The following PTPRD variants were observed in gnomAD, a reference collection of about 807,000 sequenced individuals.
PTPRD encodes the protein protein tyrosine phosphatase receptor type D.
Under a neutral mutation model 214.5 loss-of-function variants are expected in PTPRD, and 34 were observed. The ratio of observed to expected loss-of-function variants is 0.16; its 90% CI spans 0.12 to 0.21. PTPRD has a LOEUF of 0.21. Among genes scored for constraint, PTPRD ranks in the 10% least tolerant of loss-of-function variants. The probability of loss-of-function intolerance (pLI) is 1.00; values close to 1 mark genes in which losing one functional copy is unlikely to be tolerated. For synonymous variants in PTPRD, 1,128 were observed against 845.7 expected, an observed-to-expected ratio of 1.33 and a Z score of -5.79; for missense variants, 2,545 against 2,398.7, an observed-to-expected ratio of 1.06 and a Z score of -1.27.
chr9:9,152,527 A>G (rs542018960), intron 10 of PTPRD, among the ~76,000 whole-genome samples: 1 of 152,150 alleles, frequency 6.6e-6, no homozygotes, highest in East Asian at 1.9e-4. Flanking sequence ...AATGGTAAAG[A>G]CAAATATGTA....
chr9:8,387,460 G>A (rs988153312), intron 37 of PTPRD, among the ~76,000 whole-genome samples: 4 of 152,214 alleles, frequency 2.6e-5, no homozygotes, highest in African/African-American at 9.6e-5. Flanking sequence ...AAGGCCTGCA[G>A]TGTCAAGATA....
At chr9:10,271,835 A>C (rs921087221) in intron 3 of PTPRD, among the ~76,000 whole-genome samples, 1 of 151,712 alleles carries the variant, frequency 6.6e-6, no homozygotes, top group Non-Finnish European at 1.5e-5. Flanking sequence ...GAGACACTGC[A>C]CCTGGCCCTC....
intron 4 of PTPRD, among the ~76,000 whole-genome samples, chr9:9,980,618 C>CAAAAAAAAAAA (rs1202080056): frequency 1.7e-4 from 4 of 23,256 alleles, no homozygotes; most frequent in East Asian, 5.5e-4. Flanking sequence ...CAAAAAAAAA[C>CAAAAAAAAAAA]AAAAAAAAAA....
At chr9:8,981,605 C>T (rs1040662002) in intron 11 of PTPRD, among the ~76,000 whole-genome samples, 1 of 151,678 alleles carries the variant, frequency 6.6e-6, no homozygotes, top group African/African-American at 2.4e-5. Context: ...TCTGTTAATA[C>T]AATAAATAAT....
At chr9:9,576,215 C>G (rs864352) in intron 7 of PTPRD, among the ~76,000 whole-genome samples, 75,887 of 151,954 alleles carry the variant, frequency 0.5, 20,181 homozygotes, top group African/African-American at 0.66. Context: ...TCATTTATTT[C>G]ATGAAGGAAT....
At chr9:8,575,527 C>T (rs1236082294) in intron 14 of PTPRD, among the ~76,000 whole-genome samples, 2 of 152,044 alleles carry the variant, frequency 1.3e-5, no homozygotes, top group Non-Finnish European at 2.9e-5. Flanking sequence ...GTTACTGTGA[C>T]CTCCCTCACC....
At chr9:10,206,274 T>C (rs890861939) in intron 3 of PTPRD, among the ~76,000 whole-genome samples, 1 of 152,156 alleles carries the variant, frequency 6.6e-6, no homozygotes, top group South Asian at 2.1e-4. Flanking sequence ...TAAAGGGTGC[T>C]GTGGATGTAT....
intron 11 of PTPRD, among the ~76,000 whole-genome samples, chr9:8,960,899 G>C (rs779388593): frequency 1.3e-5 from 2 of 152,068 alleles, no homozygotes; most frequent in African/African-American, 2.4e-5. Flanking sequence ...GGTACTATAT[G>C]AAATCATTAA....
In PTPRD at chr9:8,486,972, G is replaced by C. The variant is rs763176439; in HGVS notation, c.2468-623C>G. Among the ~76,000 whole-genome samples, 230 of 151,492 alleles carry C rather than the reference G, an allele frequency of 1.5e-3. 1 individual carries two copies. The highest frequency in any genetic ancestry group is 3.4e-3 in the Admixed American group (51 of 15,138). Reference sequence around the variant, plus strand: ...GTCGACTGCTTAAATGCTTAATTGTGCTGCTATGTTGCTTAAAAGTTTAAA... The same window carrying C: ...GTCGACTGCTTAAATGCTTAATTGTCCTGCTATGTTGCTTAAAAGTTTAAA... On this transcript the variant is annotated intron_variant, in intron 27 of 45. Transcript: ENST00000381196.
At chr9:8,376,254 T>C (rs1217296698) in intron 38 of PTPRD, among the ~76,000 whole-genome samples, 164 bp from the exon 39 acceptor site, 2 of 152,114 alleles carry the variant, frequency 1.3e-5, no homozygotes, top group Non-Finnish European at 2.9e-5. Flanking sequence ...CCCAAGCTAT[T>C]TGTAAATGAC....
intron 2 of PTPRD, among the ~76,000 whole-genome samples, chr9:10,346,542 T>C (rs2097086606): frequency 6.6e-6 from 1 of 152,250 alleles, no homozygotes; most frequent in Admixed American, 6.5e-5. Flanking sequence ...TATTCTAAAC[T>C]GCAAGTGATA....
intron 3 of PTPRD, among the ~76,000 whole-genome samples, chr9:10,268,339 G>T (rs1483834298): frequency 6.8e-6 from 1 of 147,468 alleles, no homozygotes; most frequent in East Asian, 2.0e-4. Flanking sequence ...TAATAATAGT[G>T]GTTATAACAG....
chr9:9,071,832 G>A (rs1173411057), intron 10 of PTPRD, among the ~76,000 whole-genome samples: 3 of 152,138 alleles, frequency 2.0e-5, no homozygotes, highest in African/African-American at 7.2e-5. Flanking sequence ...TAATTTTGTG[G>A]TAATTTGTTA....
chr9:8,460,149 G>A (rs10977129), intron 33 of PTPRD: 13,466 of 466,938 alleles, frequency 0.029, 1,075 homozygotes, highest in African/African-American at 0.2. Context: ...GTGCTTATCT[G>A]CATAAAGCAG....
At chr9:9,542,092 T>C (rs1345558175) in intron 8 of PTPRD, among the ~76,000 whole-genome samples, 1 of 151,410 alleles carries the variant, frequency 6.6e-6, no homozygotes, top group Non-Finnish European at 1.5e-5. Context: ...TGACAAACCC[T>C]GAGTTACTCT....
chr9:10,548,574 A>C (rs2060641902), intron 2 of PTPRD, among the ~76,000 whole-genome samples: 1 of 152,140 alleles, frequency 6.6e-6, no homozygotes, highest in Non-Finnish European at 1.5e-5. Context: ...GTCTCAGCGT[A>C]AGCACTGACC....
intron 11 of PTPRD, among the ~76,000 whole-genome samples, chr9:8,757,631 T>TATATATATATACATACATATATAC (rs1009275498): frequency 1.4e-5 from 2 of 146,528 alleles, no homozygotes; most frequent in South Asian, 2.1e-4. Context: ...CATATATATA[T>TATATATATATACATACATATATAC]ATATATATAT....
intron 10 of PTPRD, among the ~76,000 whole-genome samples, chr9:9,143,057 C>G (rs996711132): frequency 1.3e-5 from 2 of 152,156 alleles, no homozygotes; most frequent in African/African-American, 4.8e-5. Flanking sequence ...TACCCATTCT[C>G]TCCTCTCACC....
At chr9:9,133,038 A>G (rs1481430641) in intron 10 of PTPRD, among the ~76,000 whole-genome samples, 3 of 152,210 alleles carry the variant, frequency 2.0e-5, no homozygotes, top group African/African-American at 7.2e-5. Flanking sequence ...TCAATAGAAG[A>G]TATTTTAATA....
Sources: gnomAD v4.1 joint callset for allele counts (sites outside exome capture counted in the v4.1 genomes callset) on GRCh38, gnomAD v4.1.1 for gene constraint, MANE v1.5 for transcripts, NCBI Gene and HGNC (gene_info 2026-07-23, HGNC 2026-07-21) for gene names.